The following INVS variants were observed in gnomAD, a reference collection of about 807,000 sequenced individuals.
INVS encodes inversin.
In INVS, 86 loss-of-function variants were observed where a neutral mutation model predicts 108.8. That is an observed-to-expected ratio of 0.79 (90% confidence interval 0.66 to 0.95). The LOEUF (loss-of-function observed/expected upper bound fraction) is 0.95, where lower values mean the gene tolerates loss of function less well. INVS is among the 40% of genes least tolerant of loss of function. The pLI, the probability that INVS is intolerant of heterozygous loss-of-function variation, is 0.00. For synonymous variants in INVS, 455 were observed against 473.5 expected (o/e 0.96, Z 0.51); for missense variants, 1,169 against 1,297.4 (o/e 0.90, Z 1.52).
intron 5 of INVS, 54 bp downstream of exon 5, chr9:100,229,881 A>C: frequency 6.6e-7 from 1 of 1,518,710 alleles, no homozygotes; most frequent in East Asian, 2.4e-5. Flanking sequence ...TTTTATTATG[A>C]ATTATTTAAT....
chr9:100,107,413 C>CA (rs1185264125), intron 2 of INVS, among the ~76,000 whole-genome samples: 1 of 152,138 alleles, frequency 6.6e-6, no homozygotes, highest in African/African-American at 2.4e-5. Flanking sequence ...TTTTCCTGCT[C>CA]AAAATTCTTT....
chr9:100,172,217 C>T (rs1829564062), intron 3 of INVS, among the ~76,000 whole-genome samples: 1 of 152,086 alleles, frequency 6.6e-6, no homozygotes. Flanking sequence ...TGAATCTTAG[C>T]CCTTATTATC....
intron 3 of INVS, among the ~76,000 whole-genome samples, chr9:100,217,265 C>T (rs1416892045): frequency 2.0e-5 from 3 of 151,950 alleles, no homozygotes; most frequent in Non-Finnish European, 2.9e-5. Flanking sequence ...GCCAAGATCG[C>T]GCCACTGCAC....
intron 11 of INVS, among the ~76,000 whole-genome samples, chr9:100,272,577 T>C (rs1832989999): frequency 6.6e-6 from 1 of 152,190 alleles, no homozygotes; most frequent in South Asian, 2.1e-4. Context: ...AGAAGAGAAG[T>C]GATCATGTCT....
chr9:100,151,838 C>A (rs1378506753), intron 3 of INVS, among the ~76,000 whole-genome samples: 1 of 152,198 alleles, frequency 6.6e-6, no homozygotes, highest in African/African-American at 2.4e-5. Flanking sequence ...GTGATACCTA[C>A]AACAGAATAC....
At chr9:100,197,586 C>T (rs953823450) in intron 3 of INVS, among the ~76,000 whole-genome samples, 4 of 152,158 alleles carry the variant, frequency 2.6e-5, no homozygotes, top group Admixed American at 6.6e-5. Flanking sequence ...CTATCCTGTA[C>T]CCCATCCTTT....
intron 3 of INVS, among the ~76,000 whole-genome samples, chr9:100,153,884 T>G (rs1025525273): frequency 5.9e-5 from 9 of 152,220 alleles, no homozygotes; most frequent in African/African-American, 1.9e-4. Context: ...CCCAATGGCC[T>G]AATCACCTGT....
intron 5 of INVS, 145 bp from the exon 6 acceptor site, chr9:100,239,915 G>A (rs1326358949): frequency 4.1e-6 from 3 of 729,480 alleles, no homozygotes; most frequent in Non-Finnish European, 7.2e-6. Context: ...GCTGCAGTGA[G>A]CTGTGATCAT....
intron 3 of INVS, among the ~76,000 whole-genome samples, chr9:100,169,313 G>A (rs1353146356): frequency 1.3e-5 from 2 of 152,092 alleles, no homozygotes; most frequent in Admixed American, 6.6e-5. Flanking sequence ...GTCCCAAAAT[G>A]TTTTTGTATA....
intron 3 of INVS, among the ~76,000 whole-genome samples, chr9:100,167,970 C>T (rs1829419097): frequency 6.6e-6 from 1 of 152,096 alleles, no homozygotes; most frequent in African/African-American, 2.4e-5. Flanking sequence ...TCCTTCCTCC[C>T]CACCCCAGCG....
At chr9:100,131,293 C>G (rs1828047274) in intron 3 of INVS, among the ~76,000 whole-genome samples, 1 of 151,930 alleles carries the variant, frequency 6.6e-6, no homozygotes, top group Admixed American at 6.6e-5. Context: ...AATACGAGAC[C>G]TTTTGTTTAT....
At chr9:100,264,010 C>G (rs1013449980) in intron 10 of INVS, among the ~76,000 whole-genome samples, 1 of 152,078 alleles carries the variant, frequency 6.6e-6, no homozygotes, top group African/African-American at 2.4e-5. Context: ...GTCGATTTTT[C>G]CCTTGTATAT....
chr9:100,120,338 A>G (rs1302801407), intron 2 of INVS: 1 of 152,360 alleles, frequency 6.6e-6, no homozygotes, highest in Non-Finnish European at 1.5e-5. Context: ...ATAGGTTATT[A>G]TTGGTATACA....
At chr9:100,207,206 G>A (rs188610643) in intron 3 of INVS, among the ~76,000 whole-genome samples, 13 of 152,222 alleles carry the variant, frequency 8.5e-5, no homozygotes, top group Admixed American at 1.3e-4. Flanking sequence ...TGTTAGCATC[G>A]TTTGACCACT....
chr9:100,120,140 T>G (rs1355287347), intron 2 of INVS, among the ~76,000 whole-genome samples: 1 of 152,234 alleles, frequency 6.6e-6, no homozygotes, highest in African/African-American at 2.4e-5. Context: ...GTGTGGTGGC[T>G]TATGCCTGTA....
intron 3 of INVS, among the ~76,000 whole-genome samples, chr9:100,151,141 A>C (rs558864716): frequency 1.3e-5 from 2 of 152,206 alleles, no homozygotes; most frequent in African/African-American, 2.4e-5. Context: ...CAGTCAGAAC[A>C]AAGGCCTTCA....
Position 100,177,646 on chromosome 9 carries a change from C to T in INVS, c.274-48416C>T, listed in dbSNP as rs1228987527. 3.3e-5 allele frequency among the ~76,000 whole-genome samples: 5 copies of T among 152,238 alleles called. No individual in the cohort carries two copies. The East Asian group carries it at 9.6e-4, about 29-fold the overall frequency. On this transcript the variant is annotated intron_variant, in intron 3 of 16. Coordinates refer to ENST00000262457, the MANE Select transcript of INVS (RefSeq NM_014425.5). ...CCCAGTCAGGGGCTTATAGATAAAA[C>T]TCCCATCTGCCTGGGACAGAGCACC... is the stretch of plus-strand genomic sequence containing the variant.
At chr9:100,196,055 A>T (rs570984076) in intron 3 of INVS, among the ~76,000 whole-genome samples, 15 of 152,142 alleles carry the variant, frequency 9.9e-5, no homozygotes, top group Non-Finnish European at 1.9e-4. Context: ...GACTGGTAAG[A>T]TTGGAATTAT....
chr9:100,135,696 C>T (rs185676400), intron 3 of INVS, among the ~76,000 whole-genome samples: 3 of 152,038 alleles, frequency 2.0e-5, no homozygotes, highest in East Asian at 1.9e-4. Flanking sequence ...AGGAAGTTAT[C>T]GAGTTCAGTT....
Sources: allele counts gnomAD v4.1 joint callset (sites outside exome capture counted in the v4.1 genomes callset), GRCh38; gene constraint gnomAD v4.1.1; transcripts MANE v1.5; gene names NCBI Gene and HGNC (gene_info 2026-07-23, HGNC 2026-07-21).